Variants in MTMR8 observed in about 807,000 individuals in gnomAD.
MTMR8 encodes myotubularin related protein 8, also known as phosphatidylinositol-3,5-bisphosphate 3-phosphatase MTMR8.
MTMR8 carries 65 observed loss-of-function variants against 39.3 expected under a neutral mutation model. That is an observed-to-expected ratio of 1.65 (90% CI 1.35 to 2.03). The LOEUF (loss-of-function observed/expected upper bound fraction) is 2.03, where lower values mean the gene tolerates loss of function less well. MTMR8 is among the 30% of genes most tolerant of loss of function. The pLI is 0.00. For synonymous variants in MTMR8, 245 were observed against 185.2 expected (o/e 1.32, Z -2.62); for missense variants, 777 against 538.9 (o/e 1.44, Z -4.37).
At chrX:64,351,688 C>T (rs1056867096) in intron 4 of MTMR8, among the ~76,000 whole-genome samples, 14 of 111,332 alleles carry the variant, frequency 1.3e-4, no homozygotes, top group African/African-American at 2.0e-4. Context: ...GCTGAAGGCC[C>T]GAGAGCCCCT....
At chrX:64,285,102 G>T (rs1264211253) in intron 12 of MTMR8, among the ~76,000 whole-genome samples, 1 of 111,180 alleles carries the variant, frequency 9.0e-6, no homozygotes, top group African/African-American at 3.3e-5. Context: ...GACACACTTA[G>T]GCTCAAAATA....
intron 8 of MTMR8, 107 bp downstream of exon 8, chrX:64,343,504 T>C (rs1923268226): frequency 4.1e-6 from 2 of 489,319 alleles, no homozygotes; most frequent in African/African-American, 4.8e-5. Flanking sequence ...CAGAGCTGAA[T>C]CTAGAAACTA....
intron 12 of MTMR8, among the ~76,000 whole-genome samples, chrX:64,275,211 G>T (rs1035537255): frequency 9.0e-5 from 10 of 110,575 alleles, no homozygotes; most frequent in African/African-American, 3.3e-4. Flanking sequence ...TAATAAAAAA[G>T]AGAAATTTAT....
At chrX:64,388,608 A>G (rs1350508054) in intron 1 of MTMR8, among the ~76,000 whole-genome samples, 2 of 112,413 alleles carry the variant, frequency 1.8e-5, no homozygotes, top group East Asian at 2.8e-4. Context: ...CCCCACATCT[A>G]TCATTTTTAA....
In MTMR8 at chrX:64,345,230, G is replaced by C. The variant is rs1923320835; in HGVS notation, c.733-53C>G. ...AGATAGGCCAGATGATGAAAGAATG[G>C]AGTTCATCAATCTCAATGCCTCATT... is the stretch of plus-strand genomic sequence containing the variant. On this transcript the variant is annotated intron_variant, in intron 6 of 13. Coordinates refer to ENST00000374852, the MANE Select transcript of MTMR8 (RefSeq NM_017677.4). The C allele has an allele frequency of 4.4e-6, 5 of 1,140,058 alleles. No homozygotes were observed. The African/African-American group carries it at 5.4e-5, about 12-fold the overall frequency. 94.0% of individuals were successfully genotyped at this position (1,140,058 alleles called of 1,213,427 possible). A position where few individuals can be genotyped will look rare whatever the true frequency, so the allele number is the denominator to read the frequency against.
intron 12 of MTMR8, among the ~76,000 whole-genome samples, chrX:64,293,285 G>A (rs895432274): frequency 9.0e-5 from 10 of 111,401 alleles, no homozygotes; most frequent in Admixed American, 7.7e-4. Context: ...CTCAAGTGTT[G>A]CCTGTTAATT....
rs1164040694 is a variant in MTMR8 at position 64,268,676 on chromosome X, T to C, written c.1976A>G (p.Asp659Gly). 1 of 1,209,479 alleles carries C rather than the reference T, an allele frequency of 8.3e-7. No individual in the cohort carries two copies. Among genetic ancestry groups the C allele is most frequent in the Non-Finnish European group, 1.1e-6 (1 of 895,115 alleles). The change falls in exon 14 of 14, where the codon GAC becomes GGC. Residue 659 changes from aspartate (D) to glycine (G), a missense_variant. Asp to Gly is a moderately conservative substitution (Grantham distance 94). Transcript: ENST00000374852. ...AGAGATGCCAGTGGCCTCAGAGATG[T>C]CCATGGCCCCACAGATTCCTAAGTC... ...SKDLGICGAMDISEATGISGN... is the reference protein window; with the variant it reads ...SKDLGICGAMGISEATGISGN...
intron 12 of MTMR8, among the ~76,000 whole-genome samples, chrX:64,288,725 G>C (rs1215727925): frequency 9.0e-6 from 1 of 111,014 alleles, no homozygotes; most frequent in Non-Finnish European, 1.9e-5. Flanking sequence ...GCAGGGACAT[G>C]GATGAAGCTG....
chrX:64,336,129 C>G lies in MTMR8; in HGVS notation c.1102-1G>C, dbSNP rs1253152157. 1 of 1,178,863 alleles carries G rather than the reference C, an allele frequency of 8.5e-7. No homozygotes were observed. The highest frequency in any genetic ancestry group is 1.9e-5 in the South Asian group (1 of 52,631). ...ATATCCATTCCTTCTCTATCAAGAT[C>G]TTCATTTTATAGAAAAGAAAGTGTT... On this transcript the variant is annotated splice_acceptor_variant, in intron 9 of 13. Transcript: ENST00000374852. LOFTEE classifies it high-confidence loss of function.
chrX:64,311,110 CCCA>C (rs1479592563), intron 12 of MTMR8, among the ~76,000 whole-genome samples: 1 of 111,877 alleles, frequency 8.9e-6, no homozygotes, highest in Non-Finnish European at 1.9e-5. Context: ...AATTTACACT[CCCA>C]CCAACAGTGT....
intron 1 of MTMR8, among the ~76,000 whole-genome samples, chrX:64,392,915 G>A (rs775342122): frequency 1.3e-4 from 14 of 111,146 alleles, no homozygotes; most frequent in Non-Finnish European, 2.5e-4. Flanking sequence ...TTTTAATCCC[G>A]AGCCATTAAT....
At chrX:64,345,798 T>G (rs1602140609) in intron 6 of MTMR8, among the ~76,000 whole-genome samples, 1 of 111,449 alleles carries the variant, frequency 9.0e-6, no homozygotes, top group South Asian at 3.8e-4. Flanking sequence ...ACAAAAAATG[T>G]TTTTTGTAAA....
rs1922765922 is a variant in MTMR8 at position 64,325,513 on chromosome X, G to GA, written c.1481+3258dup. Among the ~76,000 whole-genome samples the GA allele has an allele frequency of 2.7e-5, 3 of 112,002 alleles. No homozygotes were observed. In the South Asian group the frequency reaches 1.1e-3, roughly 41 times the overall value. On this transcript the variant is annotated intron_variant, in intron 12 of 13. Coordinates refer to ENST00000374852, the MANE Select transcript of MTMR8 (RefSeq NM_017677.4). ...TATGCCAATCAATAAATGTGACACA[G>GA]AACACTAATGGAATGAAGGACAAAA...
At chrX:64,310,741 A>G (rs750185883) in intron 12 of MTMR8, among the ~76,000 whole-genome samples, 1 of 110,786 alleles carries the variant, frequency 9.0e-6, no homozygotes, top group African/African-American at 3.3e-5. Flanking sequence ...ATGAGTGACA[A>G]CATGCGGTAT....
At chrX:64,363,717 G>A (rs973661558) in intron 1 of MTMR8, among the ~76,000 whole-genome samples, 2 of 111,766 alleles carry the variant, frequency 1.8e-5, no homozygotes, top group Non-Finnish European at 3.8e-5. Flanking sequence ...GAGGTACCTG[G>A]TTCATCTAAT....
intron 12 of MTMR8, among the ~76,000 whole-genome samples, chrX:64,279,984 C>A (rs868265718): frequency 8.9e-6 from 1 of 111,854 alleles, no homozygotes; most frequent in Non-Finnish European, 1.9e-5. Flanking sequence ...TACACCCTCC[C>A]AAGACTAAAC....
intron 10 of MTMR8, among the ~76,000 whole-genome samples, chrX:64,332,126 G>A (rs999205543): frequency 6.2e-5 from 7 of 112,154 alleles, no homozygotes; most frequent in African/African-American, 1.9e-4. Context: ...ATTTTTAATT[G>A]TATTTAATTT....
intron 6 of MTMR8, among the ~76,000 whole-genome samples, chrX:64,348,181 T>C (rs1239079740): frequency 9.0e-6 from 1 of 111,232 alleles, no homozygotes; most frequent in Non-Finnish European, 1.9e-5. Context: ...GTTAATTGCA[T>C]AGCAGTAAAA....
At chrX:64,288,038 A>AAAAAAAAAAAAAAAC (rs1569210594) in intron 12 of MTMR8, among the ~76,000 whole-genome samples, 2 of 80,854 alleles carry the variant, frequency 2.5e-5, no homozygotes, top group Non-Finnish European at 4.8e-5. Context: ...AAAAAAAAAA[A>AAAAAAAAAAAAAAAC]AAAAAAAAAA....
Sources: gnomAD v4.1 joint callset for allele counts (sites outside exome capture counted in the v4.1 genomes callset) on GRCh38, gnomAD v4.1.1 for gene constraint, MANE v1.5 for transcripts, NCBI Gene and HGNC (gene_info 2026-07-23, HGNC 2026-07-21) for gene names.